The following A2M variants were observed in gnomAD, a reference collection of about 807,000 sequenced individuals.
The protein encoded by A2M is C3 and PZP-like alpha-2-macroglobulin domain-containing protein 5.
Under a neutral mutation model 183.9 loss-of-function variants are expected in A2M, and 128 were observed. The ratio of observed to expected loss-of-function variants is 0.70; its 90% CI spans 0.60 to 0.81. The LOEUF (loss-of-function observed/expected upper bound fraction) is 0.81, where lower values mean the gene tolerates loss of function less well. Ranked by LOEUF, A2M falls within the 30% of genes least tolerant of loss-of-function variation. The pLI is 0.00. For synonymous variants in A2M, 592 were observed against 670.8 expected (o/e 0.88, Z 1.81); for missense variants, 1,495 against 1,787.6 (o/e 0.84, Z 2.95).
chr12:9,101,335 A>T, intron 12 of A2M, 112 bp downstream of exon 12: 1 of 1,349,534 alleles, frequency 7.4e-7, no homozygotes, highest in East Asian at 2.5e-5. Context: ...AAACTTTCAA[A>T]AGGAACATGG....
chr12:9,109,605 T>C (rs1308584551), intron 6 of A2M, among the ~76,000 whole-genome samples, 200 bp from the exon 7 acceptor site: 1 of 152,230 alleles, frequency 6.6e-6, no homozygotes, highest in Non-Finnish European at 1.5e-5. Flanking sequence ...GTGTGCTTAA[T>C]TAATTATGGA....
intron 22 of A2M, among the ~76,000 whole-genome samples, chr12:9,084,364 T>C (rs1364993451): frequency 1.3e-5 from 2 of 152,130 alleles, no homozygotes; most frequent in Non-Finnish European, 2.9e-5. Flanking sequence ...AAAATATTAA[T>C]AACAAGCATA....
intron 31 of A2M, among the ~76,000 whole-genome samples, chr12:9,070,930 C>T (rs1378646033): frequency 6.6e-6 from 1 of 151,924 alleles, no homozygotes; most frequent in African/African-American, 2.4e-5. Context: ...AAGTGATTCT[C>T]CTGCCTCAGC....
At chr12:9,107,020 A>G (rs1343879589) in intron 8 of A2M, among the ~76,000 whole-genome samples, 1 of 152,216 alleles carries the variant, frequency 6.6e-6, no homozygotes, top group Non-Finnish European at 1.5e-5. Flanking sequence ...AAATAGTTCA[A>G]GTCCTGTCCA....
intron 13 of A2M, among the ~76,000 whole-genome samples, chr12:9,100,800 T>G (rs1412361974): frequency 2.0e-5 from 3 of 152,200 alleles, no homozygotes; most frequent in African/African-American, 4.8e-5. Context: ...AAGTAGGAGC[T>G]AAGCTATTAG....
chr12:9,115,674 A>C, intron 1 of A2M, 90 bp downstream of exon 1: 1 of 959,790 alleles, frequency 1.0e-6, no homozygotes, highest in Non-Finnish European at 1.7e-6. Context: ...TGACAGTATC[A>C]TAGGAAAGAA....
intron 25 of A2M, among the ~76,000 whole-genome samples, chr12:9,078,932 A>T (rs1004472638): frequency 6.6e-6 from 1 of 152,228 alleles, no homozygotes; most frequent in Non-Finnish European, 1.5e-5. Context: ...TCTGGAAGTT[A>T]TATATGTTCA....
intron 28 of A2M, among the ~76,000 whole-genome samples, chr12:9,076,373 A>G (rs1307056673): frequency 1.3e-5 from 2 of 152,230 alleles, no homozygotes; most frequent in Non-Finnish European, 2.9e-5. Context: ...ACTGAAACAC[A>G]AGGAAGTTAA....
chr12:9,109,067 T>C (rs1183630809), intron 7 of A2M, among the ~76,000 whole-genome samples: 1 of 152,172 alleles, frequency 6.6e-6, no homozygotes, highest in Admixed American at 6.5e-5. Flanking sequence ...TTTGTCACTT[T>C]CAGAATCAAT....
intron 14 of A2M, 38 bp from the exon 15 acceptor site, chr12:9,098,794 C>A: frequency 6.2e-7 from 1 of 1,601,924 alleles, no homozygotes; most frequent in Non-Finnish European, 8.5e-7. Flanking sequence ...AAGCAAATTT[C>A]CAGGTTTACC....
At chr12:9,106,915 C>T (rs145790297) in intron 8 of A2M, among the ~76,000 whole-genome samples, 12 of 152,084 alleles carry the variant, frequency 7.9e-5, no homozygotes, top group African/African-American at 2.7e-4. Context: ...ATGGGGTACA[C>T]GAGATATTTT....
chr12:9,080,425 C>T (rs1948876496), intron 22 of A2M: 1 of 274,780 alleles, frequency 3.6e-6, no homozygotes, highest in Admixed American at 5.0e-5. Flanking sequence ...AATAAGACAA[C>T]AAATTGTAAG....
intron 33 of A2M, 82 bp downstream of exon 33, chr12:9,069,663 T>C: frequency 1.9e-6 from 2 of 1,033,044 alleles, no homozygotes; most frequent in Non-Finnish European, 2.9e-6. Flanking sequence ...GTGATGTTTC[T>C]AAAATGCATT....
chr12:9,100,513 A>T (rs1831703123), intron 13 of A2M, among the ~76,000 whole-genome samples: 1 of 152,122 alleles, frequency 6.6e-6, no homozygotes. Flanking sequence ...TCCTGACCTC[A>T]AGAGATCCTC....
intron 1 of A2M, chr12:9,115,457 A>G: frequency 5.0e-6 from 1 of 200,116 alleles, no homozygotes; most frequent in South Asian, 9.5e-5. Context: ...AGGAAATAAG[A>G]AAAGATAAAT....
rs1050929605 is a variant in A2M, at chr12:9,091,380, C to T, written c.2290G>A (p.Glu764Lys). Residue 764 changes from glutamate (E) to lysine (K), a missense_variant, in exon 19 of 36, where the codon GAG (glutamate) becomes AAG (lysine). Coordinates refer to ENST00000318602, the MANE Select transcript of A2M (RefSeq NM_000014.6). ...VGVTVPDTIT[E>K]WKAGAFCLSE... Reference sequence around the variant, plus strand: ...AGGCAGAAGGCCCCTGCCTTCCACTCGGTGATGGTGTCAGGGACTGTTACT... The same window carrying T: ...AGGCAGAAGGCCCCTGCCTTCCACTTGGTGATGGTGTCAGGGACTGTTACT... 5 of 1,614,138 alleles carry T rather than the reference C, an allele frequency of 3.1e-6. No homozygotes were observed. The highest frequency in any genetic ancestry group is 1.7e-5 in the Admixed American group (1 of 60,014).
intron 4 of A2M, 124 bp from the exon 5 acceptor site, chr12:9,110,458 G>A (rs888659160): frequency 7.6e-6 from 4 of 527,596 alleles, no homozygotes; most frequent in Non-Finnish European, 9.6e-6. Flanking sequence ...TAATTTAATT[G>A]TACATTTAAA....
intron 1 of A2M, 68 bp downstream of exon 1, chr12:9,115,696 A>G (rs760337283): frequency 2.3e-5 from 27 of 1,186,220 alleles, no homozygotes; most frequent in East Asian, 1.9e-4. Flanking sequence ...AAGGAATGAT[A>G]TAAAGAAAAA....
chr12:9,076,895 G>A lies in A2M; in HGVS notation c.3393C>T (p.Ala1131=). ...VRNALFCLES[A]WKTAQEGDHG... ...GGTCCCCTTCTTGTGCTGTCTTCCA[G>A]GCTGACTCCAGGCAAAACAGGGCAT... is the stretch of plus-strand genomic sequence containing the variant. Residue 1131 remains alanine (A), a synonymous_variant, in exon 28 of 36, where the codon GCC becomes GCT. Coordinates refer to ENST00000318602, the MANE Select transcript of A2M (RefSeq NM_000014.6). 6.2e-7 allele frequency: 1 copy of A among 1,610,076 alleles called. No homozygotes were observed. The highest frequency in any genetic ancestry group is 2.2e-5 in the East Asian group (1 of 44,826).
Sources: allele counts gnomAD v4.1 joint callset (sites outside exome capture counted in the v4.1 genomes callset), GRCh38; gene constraint gnomAD v4.1.1; transcripts MANE v1.5; gene names NCBI Gene and HGNC (gene_info 2026-07-23, HGNC 2026-07-21).